Variants in CDH18 observed in about 807,000 individuals in gnomAD.
CDH18 encodes the protein cadherin-18.
CDH18 carries 31 observed loss-of-function variants against 67.9 expected under a neutral mutation model. That is an observed-to-expected ratio of 0.46 (90% CI 0.34 to 0.62). CDH18 has a LOEUF of 0.62. CDH18 is among the 20% of genes least tolerant of loss of function. The pLI is 0.01. For synonymous variants in CDH18, 362 were observed against 347.2 expected (o/e 1.04, Z -0.48); for missense variants, 890 against 975.5 (o/e 0.91, Z 1.17).
At chr5:19,903,113 C>T (rs1258433362) in intron 2 of CDH18, among the ~76,000 whole-genome samples, 6 of 151,824 alleles carry the variant, frequency 4.0e-5, no homozygotes, top group Admixed American at 6.6e-5. Flanking sequence ...AATATATCTT[C>T]CAAACTTGTA....
chr5:19,962,292 C>G (rs927052346), intron 2 of CDH18, among the ~76,000 whole-genome samples: 1 of 136,794 alleles, frequency 7.3e-6, no homozygotes, highest in African/African-American at 2.7e-5. Context: ...ATCAGATTTA[C>G]TATTTACAAA....
At chr5:19,927,967 A>G (rs1223368908) in intron 2 of CDH18, among the ~76,000 whole-genome samples, 2 of 152,182 alleles carry the variant, frequency 1.3e-5, no homozygotes, top group East Asian at 1.9e-4. Context: ...TTCCATGTCT[A>G]TTAAATCCAT....
intron 1 of CDH18, among the ~76,000 whole-genome samples, chr5:20,407,539 G>A (rs1746388928): frequency 6.8e-6 from 1 of 147,880 alleles, no homozygotes; most frequent in Admixed American, 6.8e-5. Context: ...AGAATCTCAG[G>A]GAAAAAATGA....
chr5:19,496,373 G>A (rs749640271), intron 11 of CDH18, among the ~76,000 whole-genome samples: 2 of 152,152 alleles, frequency 1.3e-5, no homozygotes, highest in African/African-American at 2.4e-5. Flanking sequence ...TTCTGTTAGT[G>A]CTATAGCTTG....
chr5:19,916,591 C>A (rs963734257), intron 2 of CDH18, among the ~76,000 whole-genome samples: 1 of 152,110 alleles, frequency 6.6e-6, no homozygotes, highest in Non-Finnish European at 1.5e-5. Flanking sequence ...AGATCTGTGA[C>A]CTGTGAATGC....
chr5:20,314,277 C>A (rs150139710), intron 1 of CDH18, among the ~76,000 whole-genome samples: 27 of 152,104 alleles, frequency 1.8e-4, no homozygotes, highest in African/African-American at 6.5e-4. Context: ...GCCTTAGGCT[C>A]ACTAAAGTCT....
In CDH18 at chr5:19,493,526, G is replaced by A. The variant is rs571977550; in HGVS notation, c.1630+9466C>T. 6.3e-5 allele frequency among the ~76,000 whole-genome samples: 9 copies of A among 143,516 alleles called. No homozygotes were observed. The South Asian group carries it at 9.5e-4, about 15-fold the overall frequency. The allele number at this position is 143,516 out of a possible 152,430, so 94.2% of individuals were successfully genotyped here. Reference sequence around the variant, plus strand: ...GACAGATAGCTTAAAATGTCAGCCCGAGGGAATTGGGGTGTGTGTGTGTGT... The same window carrying A: ...GACAGATAGCTTAAAATGTCAGCCCAAGGGAATTGGGGTGTGTGTGTGTGT... On this transcript the variant is annotated intron_variant, in intron 11 of 12. Transcript: ENST00000382275.
At chr5:19,861,482 G>A (rs1271103238) in intron 2 of CDH18, among the ~76,000 whole-genome samples, 1 of 152,142 alleles carries the variant, frequency 6.6e-6, no homozygotes, top group African/African-American at 2.4e-5. Flanking sequence ...TTGGTTTTGT[G>A]TGGGATGGAT....
intron 1 of CDH18, among the ~76,000 whole-genome samples, chr5:20,271,816 G>C (rs1400052585): frequency 6.6e-6 from 1 of 151,926 alleles, no homozygotes; most frequent in East Asian, 1.9e-4. Context: ...GTAGTATTTT[G>C]TTATGGCGGT....
chr5:19,701,319 G>A (rs991742267), intron 5 of CDH18, among the ~76,000 whole-genome samples: 37 of 152,076 alleles, frequency 2.4e-4, no homozygotes, highest in Admixed American at 2.3e-3. Flanking sequence ...CAAAAGTAAG[G>A]CAAAGAAGAT....
intron 2 of CDH18, among the ~76,000 whole-genome samples, chr5:20,221,985 T>C (rs1741263283): frequency 6.6e-6 from 1 of 152,138 alleles, no homozygotes; most frequent in Admixed American, 6.6e-5. Context: ...ATGCCCCAGT[T>C]CTTTTCATCA....
intron 5 of CDH18, among the ~76,000 whole-genome samples, chr5:19,651,756 T>G (rs980193914): frequency 6.6e-6 from 1 of 152,122 alleles, no homozygotes; most frequent in East Asian, 1.9e-4. Flanking sequence ...TAAGCAGGTA[T>G]AGTAAAAACA....
At chr5:19,707,025 G>A (rs1764054868) in intron 5 of CDH18, among the ~76,000 whole-genome samples, 1 of 152,144 alleles carries the variant, frequency 6.6e-6, no homozygotes. Flanking sequence ...AAAAGGTTGG[G>A]AAATAGGTAA....
intron 2 of CDH18, among the ~76,000 whole-genome samples, chr5:19,906,036 G>A (rs561216752): frequency 7.2e-5 from 11 of 151,968 alleles, no homozygotes; most frequent in South Asian, 2.1e-4. Context: ...TGTGTTTTCC[G>A]AAATCAAACT....
At chr5:20,000,696 A>G (rs1736375353) in intron 2 of CDH18, among the ~76,000 whole-genome samples, 1 of 152,124 alleles carries the variant, frequency 6.6e-6, no homozygotes, top group Non-Finnish European at 1.5e-5. Flanking sequence ...ATAATGATAT[A>G]TGCTGTACAG....
chr5:19,577,217 T>C (rs2149966052), intron 7 of CDH18, among the ~76,000 whole-genome samples: 1 of 152,316 alleles, frequency 6.6e-6, no homozygotes, highest in East Asian at 1.9e-4. Context: ...ATTGTACCAT[T>C]CAAAATATCT....
chr5:20,220,460 A>C (rs1327523745), intron 2 of CDH18, among the ~76,000 whole-genome samples: 1 of 152,016 alleles, frequency 6.6e-6, no homozygotes, highest in African/African-American at 2.4e-5. Context: ...ATCACTCATC[A>C]TACACAAAAA....
intron 1 of CDH18, among the ~76,000 whole-genome samples, chr5:20,496,519 T>C (rs1428298501): frequency 6.6e-6 from 1 of 152,146 alleles, no homozygotes; most frequent in Admixed American, 6.6e-5. Flanking sequence ...AAATATACAA[T>C]TGATAAAAAA....
At chr5:20,448,744 C>T (rs538153063) in intron 1 of CDH18, among the ~76,000 whole-genome samples, 4 of 152,060 alleles carry the variant, frequency 2.6e-5, no homozygotes, top group Middle Eastern at 3.4e-3. Flanking sequence ...TATAAACAGA[C>T]GTCTGCAGGT....
Sources: gnomAD v4.1 joint callset for allele counts (sites outside exome capture counted in the v4.1 genomes callset) on GRCh38, gnomAD v4.1.1 for gene constraint, MANE v1.5 for transcripts, NCBI Gene and HGNC (gene_info 2026-07-23, HGNC 2026-07-21) for gene names.